CPE: variants seen among roughly 807,000 people sequenced by gnomAD.
CPE encodes the protein carbocypeptidase E.
In CPE, 17 loss-of-function variants were observed where a neutral mutation model predicts 53.5. The ratio of observed to expected loss-of-function variants is 0.32; its 90% CI spans 0.22 to 0.48. The LOEUF (loss-of-function observed/expected upper bound fraction) is 0.48. Ranked by LOEUF, CPE falls within the 20% of genes least tolerant of loss-of-function variation. The pLI is 0.99. For synonymous variants in CPE, 226 were observed against 228.8 expected (o/e 0.99, Z 0.11); for missense variants, 524 against 614.7 (o/e 0.85, Z 1.56).
intron 3 of CPE, 116 bp downstream of exon 3, chr4:165,467,971 A>C: frequency 8.5e-7 from 1 of 1,181,230 alleles, no homozygotes; most frequent in Non-Finnish European, 1.2e-6. Flanking sequence ...TGGGGTGGTT[A>C]ACTGTGGCTT....
At chr4:165,480,304 T>C (rs1394879960) in intron 3 of CPE, among the ~76,000 whole-genome samples, 1 of 152,192 alleles carries the variant, frequency 6.6e-6, no homozygotes, top group Non-Finnish European at 1.5e-5. Context: ...TTTTAGCTAA[T>C]ATAGATTTTA....
At chr4:165,473,948 C>G (rs1241617037) in intron 3 of CPE, among the ~76,000 whole-genome samples, 1 of 152,236 alleles carries the variant, frequency 6.6e-6, no homozygotes, top group Non-Finnish European at 1.5e-5. Flanking sequence ...GTCCCAGAGC[C>G]CTTTGGCCCT....
chr4:165,391,223 G>A (rs1398078824), intron 1 of CPE, among the ~76,000 whole-genome samples: 1 of 152,056 alleles, frequency 6.6e-6, no homozygotes, highest in Admixed American at 6.6e-5. Context: ...CTGCATACAG[G>A]GAAAGTGAAT....
chr4:165,449,573 G>A (rs1217975958), intron 1 of CPE, among the ~76,000 whole-genome samples: 2 of 152,106 alleles, frequency 1.3e-5, no homozygotes, highest in Admixed American at 6.6e-5. Context: ...TAACAGACCC[G>A]TAAAGAAAAC....
intron 1 of CPE, among the ~76,000 whole-genome samples, chr4:165,453,422 G>A (rs1053431201): frequency 2.8e-4 from 39 of 141,174 alleles, no homozygotes; most frequent in African/African-American, 9.9e-4. Context: ...GTCTCACTCT[G>A]TCACCCAGGC....
chr4:165,442,369 A>G (rs1731629700), intron 1 of CPE, among the ~76,000 whole-genome samples: 1 of 152,124 alleles, frequency 6.6e-6, no homozygotes, highest in African/African-American at 2.4e-5. Context: ...TTTTTATACC[A>G]AAAATATACA....
chr4:165,484,289 C>T, intron 4 of CPE, 133 bp from the exon 5 acceptor site: 2 of 791,968 alleles, frequency 2.5e-6, no homozygotes, highest in Non-Finnish European at 3.9e-6. Flanking sequence ...TAAATTTTAC[C>T]TCTTTCCCAT....
At chr4:165,424,457 A>AT (rs1363573123) in intron 1 of CPE, among the ~76,000 whole-genome samples, 3 of 151,810 alleles carry the variant, frequency 2.0e-5, no homozygotes, top group Admixed American at 6.6e-5. Context: ...TTTTATCTTT[A>AT]TTTTTTATTA....
chr4:165,463,944 CA>C (rs1732052737), intron 1 of CPE, among the ~76,000 whole-genome samples: 2 of 152,292 alleles, frequency 1.3e-5, no homozygotes, highest in Admixed American at 1.3e-4. Flanking sequence ...AAGGTGGCAG[CA>C]GGGGTGGTTT....
At chr4:165,484,302 T>A (rs1732465800) in intron 4 of CPE, 120 bp from the exon 5 acceptor site, 1 of 919,478 alleles carries the variant, frequency 1.1e-6, no homozygotes, top group Non-Finnish European at 1.6e-6. Flanking sequence ...TTTCCCATAG[T>A]TATGTAGCTA....
chr4:165,454,789 T>C (rs2126694333), intron 1 of CPE, among the ~76,000 whole-genome samples: 1 of 152,336 alleles, frequency 6.6e-6, no homozygotes, highest in Middle Eastern at 3.4e-3. Flanking sequence ...ACTATCAAAA[T>C]TGTCACTGAC....
At chr4:165,496,011 G>T (rs751455295) in intron 8 of CPE, among the ~76,000 whole-genome samples, 2 of 151,672 alleles carry the variant, frequency 1.3e-5, no homozygotes, top group African/African-American at 2.4e-5. Context: ...TTCTCAATAA[G>T]TATTTGAAAA....
chr4:165,389,357 C>G (rs1353347833), intron 1 of CPE, among the ~76,000 whole-genome samples: 4 of 152,076 alleles, frequency 2.6e-5, no homozygotes, highest in Non-Finnish European at 5.9e-5. Flanking sequence ...TTTACTTCTA[C>G]TTATAGCTAT....
intron 1 of CPE, among the ~76,000 whole-genome samples, chr4:165,417,128 G>C (rs1731137924): frequency 6.6e-6 from 1 of 152,122 alleles, no homozygotes; most frequent in Non-Finnish European, 1.5e-5. Flanking sequence ...ATATGGAATG[G>C]ATTAGGGGGC....
At chr4:165,422,190 A>T (rs1386183682) in intron 1 of CPE, among the ~76,000 whole-genome samples, 2 of 152,038 alleles carry the variant, frequency 1.3e-5, no homozygotes, top group Non-Finnish European at 1.5e-5. Context: ...ATAGATTTTA[A>T]TTTTTTTCTT....
At position 165,409,464 on chromosome 4, in the gene CPE, G is replaced by A. The variant is rs530315141; in HGVS notation, c.307+29936G>A. ...AGTGATCCGCCCGCCTCAGACTCCC[G>A]AAGTGCTGGGATTATAGGCTGAGCC... On this transcript the variant is annotated intron_variant, in intron 1 of 8. Transcript: ENST00000402744. Among the ~76,000 whole-genome samples the A allele has an allele frequency of 5.3e-5, 8 of 152,246 alleles. No homozygotes were observed. In the South Asian group the frequency reaches 1.2e-3, roughly 24 times the overall value.
intron 1 of CPE, among the ~76,000 whole-genome samples, chr4:165,460,778 T>A (rs189754884): frequency 6.6e-6 from 1 of 152,306 alleles, no homozygotes; most frequent in East Asian, 1.9e-4. Flanking sequence ...TAGAATTTAT[T>A]CTTATCGTAT....
chr4:165,490,842 A>C (rs1732590420), intron 6 of CPE, among the ~76,000 whole-genome samples: 1 of 152,192 alleles, frequency 6.6e-6, no homozygotes, highest in South Asian at 2.1e-4. Flanking sequence ...AAAATGGAGA[A>C]TCTTCTGGAG....
At chr4:165,485,427 A>G (rs1732491648) in intron 5 of CPE, among the ~76,000 whole-genome samples, 1 of 152,192 alleles carries the variant, frequency 6.6e-6, no homozygotes, top group Admixed American at 6.5e-5. Context: ...TTGTTGAATT[A>G]TGTGCTGAGA....
Sources: gnomAD v4.1 joint callset for allele counts (sites outside exome capture counted in the v4.1 genomes callset) on GRCh38, gnomAD v4.1.1 for gene constraint, MANE v1.5 for transcripts, NCBI Gene and HGNC (gene_info 2026-07-23, HGNC 2026-07-21) for gene names.